Variants in PPP1R12B observed in about 807,000 individuals in gnomAD.
The protein encoded by PPP1R12B is myosin phosphatase target subunit 2.
In PPP1R12B, 76 loss-of-function variants were observed where a neutral mutation model predicts 126.1. The ratio of observed to expected loss-of-function variants is 0.60; its 90% CI spans 0.50 to 0.73. PPP1R12B has a LOEUF of 0.73. Ranked by LOEUF, PPP1R12B falls within the 30% of genes least tolerant of loss-of-function variation. The pLI, the probability that PPP1R12B is intolerant of heterozygous loss-of-function variation, is 0.00. For missense variants in PPP1R12B, 1,052 were observed against 1,205.1 expected (o/e 0.87, Z 1.88); for synonymous variants, 356 against 434.7 (o/e 0.82, Z 2.25).
At chr1:202,500,604 G>T (rs928470755) in intron 18 of PPP1R12B, among the ~76,000 whole-genome samples, 2 of 152,144 alleles carry the variant, frequency 1.3e-5, no homozygotes, top group African/African-American at 4.8e-5. Flanking sequence ...ATAGTCAGAG[G>T]TTGGTTAACA....
chr1:202,425,280 T>C (rs934820748), intron 3 of PPP1R12B, among the ~76,000 whole-genome samples: 2 of 152,244 alleles, frequency 1.3e-5, no homozygotes, highest in Non-Finnish European at 2.9e-5. Flanking sequence ...TATTATAATG[T>C]AAAAATAATG....
intron 1 of PPP1R12B, among the ~76,000 whole-genome samples, chr1:202,380,373 C>G: frequency 6.6e-6 from 1 of 152,110 alleles, no homozygotes; most frequent in East Asian, 1.9e-4. Flanking sequence ...CATTATTTAC[C>G]TAGAGTTTCC....
intron 3 of PPP1R12B, 33 bp downstream of exon 3, chr1:202,422,771 ATT>A (rs1256076403): frequency 1.9e-6 from 3 of 1,612,088 alleles, no homozygotes; most frequent in Admixed American, 3.3e-5. Context: ...GCCAGGAAAG[ATT>A]CTCAAACACT....
At chr1:202,493,509 T>G (rs1377994400) in intron 15 of PPP1R12B, among the ~76,000 whole-genome samples, 192 bp downstream of exon 15, 1 of 152,206 alleles carries the variant, frequency 6.6e-6, no homozygotes, top group East Asian at 1.9e-4. Flanking sequence ...ACCATTTTTT[T>G]CTTCTGAGAG....
At chr1:202,358,836 A>C (rs1447212789) in intron 1 of PPP1R12B, among the ~76,000 whole-genome samples, 2 of 152,212 alleles carry the variant, frequency 1.3e-5, no homozygotes, top group Non-Finnish European at 2.9e-5. Flanking sequence ...AAATGTTATG[A>C]CACAGTGATA....
At chr1:202,484,883 A>C (rs1487889517) in intron 13 of PPP1R12B, among the ~76,000 whole-genome samples, 1 of 152,024 alleles carries the variant, frequency 6.6e-6, no homozygotes, top group South Asian at 2.1e-4. Context: ...TTGACCAACT[A>C]TCAGGCCAAG....
At chr1:202,462,005 A>T (rs1243616191) in intron 13 of PPP1R12B, among the ~76,000 whole-genome samples, 1 of 152,170 alleles carries the variant, frequency 6.6e-6, no homozygotes, top group African/African-American at 2.4e-5. Context: ...TGCCTAAGTG[A>T]GGTCAATTTC....
intron 13 of PPP1R12B, among the ~76,000 whole-genome samples, chr1:202,455,449 A>G (rs1394780713): frequency 6.6e-6 from 1 of 152,224 alleles, no homozygotes; most frequent in African/African-American, 2.4e-5. Context: ...TGGACATTTT[A>G]TATAAATGGA....
Position 202,493,298 on chromosome 1 carries a change from G to T in PPP1R12B, c.2126G>T (p.Gly709Val). Residue 709 changes from glycine to valine, a missense_variant, in exon 15 of 24, where the codon GGC becomes GTC. By Grantham distance (109) the Gly-to-Val change is moderately radical. Transcript: ENST00000608999. ...GCTGGGGAGGGCCAGCAGCCCTGGG[G>T]CAGGAGTCTGGATGAAGAGGTGAGC... The part of the protein sequence containing the change: ...TEAGEGQQPW[G>V]RSLDEEPICH... 2 of 1,612,270 alleles carry T rather than the reference G, an allele frequency of 1.2e-6. No individual in the cohort carries two copies. The highest frequency in any genetic ancestry group is 1.7e-6 in the Non-Finnish European group (2 of 1,179,750).
intron 1 of PPP1R12B, among the ~76,000 whole-genome samples, chr1:202,412,136 C>T (rs1406907036): frequency 6.6e-6 from 1 of 152,142 alleles, no homozygotes; most frequent in African/African-American, 2.4e-5. Flanking sequence ...GTCAAACTTC[C>T]TTACAGTGTC....
intron 6 of PPP1R12B, 90 bp downstream of exon 6, chr1:202,429,019 G>C: frequency 8.7e-7 from 1 of 1,150,042 alleles, no homozygotes; most frequent in Non-Finnish European, 1.2e-6. Context: ...TGTGTCTGCT[G>C]AGAGTTGAAA....
intron 18 of PPP1R12B, among the ~76,000 whole-genome samples, chr1:202,517,183 T>C (rs958601359): frequency 9.2e-5 from 14 of 152,218 alleles, no homozygotes; most frequent in Admixed American, 9.2e-4. Flanking sequence ...AATGATTTCC[T>C]AAAAGAAAAG....
At chr1:202,415,482 A>G (rs973988841) in intron 1 of PPP1R12B, among the ~76,000 whole-genome samples, 8 of 152,238 alleles carry the variant, frequency 5.3e-5, no homozygotes, top group African/African-American at 1.4e-4. Context: ...GGCAAGTTTT[A>G]AAAAGGGAGT....
intron 23 of PPP1R12B, among the ~76,000 whole-genome samples, chr1:202,570,825 GCTAA>G (rs1288985638): frequency 4.6e-5 from 7 of 152,170 alleles, no homozygotes; most frequent in Admixed American, 2.0e-4. Context: ...ACCCAGCTGA[GCTAA>G]CTGTTTCTTG....
intron 18 of PPP1R12B, among the ~76,000 whole-genome samples, chr1:202,520,496 A>C (rs1414663636): frequency 6.6e-6 from 1 of 152,208 alleles, no homozygotes; most frequent in Non-Finnish European, 1.5e-5. Flanking sequence ...TTTACAGTAA[A>C]GTCTGCTGCT....
chr1:202,371,392 T>C (rs374554533), intron 1 of PPP1R12B, among the ~76,000 whole-genome samples: 49 of 152,174 alleles, frequency 3.2e-4, no homozygotes, highest in African/African-American at 1.1e-3. Context: ...CCATTGTTTG[T>C]ATAGTGTTAT....
At chr1:202,492,965 A>G in intron 14 of PPP1R12B, 149 bp from the exon 15 acceptor site, 2 of 723,074 alleles carry the variant, frequency 2.8e-6, no homozygotes, top group East Asian at 2.5e-5. Flanking sequence ...TTTTAAGCAT[A>G]TATTGCTTGA....
At chr1:202,403,350 T>C (rs1666127639) in intron 1 of PPP1R12B, among the ~76,000 whole-genome samples, 1 of 152,380 alleles carries the variant, frequency 6.6e-6, no homozygotes, top group South Asian at 2.1e-4. Context: ...AAACAGTATA[T>C]TTTTAATTTA....
At chr1:202,470,418 T>A (rs1675694444) in intron 13 of PPP1R12B, among the ~76,000 whole-genome samples, 1 of 152,238 alleles carries the variant, frequency 6.6e-6, no homozygotes, top group Non-Finnish European at 1.5e-5. Flanking sequence ...ATATGAATGA[T>A]CATTTTTCAA....
Sources: gnomAD v4.1 joint callset for allele counts (sites outside exome capture counted in the v4.1 genomes callset) on GRCh38, gnomAD v4.1.1 for gene constraint, MANE v1.5 for transcripts, NCBI Gene and HGNC (gene_info 2026-07-23, HGNC 2026-07-21) for gene names.